Variants in MINDY4 observed in about 807,000 individuals in gnomAD.
MINDY4 encodes probable ubiquitin carboxyl-terminal hydrolase MINDY-4.
Under a neutral mutation model 87.0 loss-of-function variants are expected in MINDY4, and 68 were observed. That is an observed-to-expected ratio of 0.78 (90% CI 0.64 to 0.96). MINDY4 has a LOEUF of 0.96. Ranked by LOEUF, MINDY4 falls within the 40% of genes least tolerant of loss-of-function variation. The pLI is 0.00. For missense variants in MINDY4, 919 were observed against 928.2 expected, an observed-to-expected ratio of 0.99 and a Z score of 0.13; for synonymous variants, 379 against 363.2, an observed-to-expected ratio of 1.04 and a Z score of -0.50.
In MINDY4 at chr7:30,791,158, C is replaced by T; in HGVS notation, c.664-7C>T. 1.3e-6 allele frequency: 2 copies of T among 1,597,908 alleles called. No homozygotes were observed. The highest frequency in any genetic ancestry group is 1.7e-4 in the Middle Eastern group (1 of 5,984). ...GTCCTCACTGCTTTTGTCCTTACTC[C>T]CTTTAGGATTCTTTTCACAGACACT... On this transcript the variant is annotated splice_region_variant and splice_polypyrimidine_tract_variant and intron_variant, in intron 4 of 17. Coordinates refer to ENST00000265299, the MANE Select transcript of MINDY4 (RefSeq NM_032222.3).
chr7:30,871,452 C>T (rs932173484), intron 13 of MINDY4, among the ~76,000 whole-genome samples: 5 of 152,140 alleles, frequency 3.3e-5, no homozygotes, highest in African/African-American at 4.8e-5. Context: ...GACAGCAAGC[C>T]GGGAAGGAGG....
intron 3 of MINDY4, among the ~76,000 whole-genome samples, chr7:30,783,499 G>T (rs1355868192): frequency 6.6e-6 from 1 of 152,182 alleles, no homozygotes; most frequent in Admixed American, 6.5e-5. Flanking sequence ...GCATGAGGGA[G>T]TTATTTATAT....
intron 17 of MINDY4, among the ~76,000 whole-genome samples, chr7:30,883,948 C>G (rs1215592180): frequency 1.3e-5 from 2 of 152,182 alleles, no homozygotes; most frequent in Admixed American, 6.5e-5. Flanking sequence ...GCATACCTTT[C>G]TCACTGGACC....
In MINDY4 at chr7:30,887,424, G is replaced by A. The variant is rs188347220; in HGVS notation, c.2225+4431G>A. On this transcript the variant is annotated intron_variant, in intron 17 of 17. Transcript: ENST00000265299. ...GATCCCTCTCCTGAGCTGCTGTGAG[G>A]TTGAGAGAAGAGCTGTGGAAGCACT... Among the ~76,000 whole-genome samples the A allele has an allele frequency of 2.3e-4, 35 of 152,370 alleles. 1 individual carries two copies. The highest frequency in any genetic ancestry group is 8.4e-4 in the African/African-American group (35 of 41,586).
intron 2 of MINDY4, chr7:30,779,994 A>G (rs1786958453): frequency 1.3e-5 from 2 of 152,210 alleles, no homozygotes; most frequent in African/African-American, 2.4e-5. Flanking sequence ...ACTAAAAACA[A>G]CTGGCACCTA....
chr7:30,801,938 C>T (rs1262324731), intron 5 of MINDY4, among the ~76,000 whole-genome samples: 1 of 152,218 alleles, frequency 6.6e-6, no homozygotes, highest in Non-Finnish European at 1.5e-5. Context: ...CCTTGGACCA[C>T]ACCTGGGCCC....
At chr7:30,783,732 G>A (rs1276148467) in intron 3 of MINDY4, among the ~76,000 whole-genome samples, 1 of 152,156 alleles carries the variant, frequency 6.6e-6, no homozygotes. Flanking sequence ...ACTTTGTGAT[G>A]AAGAGTAGTT....
At chr7:30,802,833 C>A (rs1787696474) in intron 5 of MINDY4, among the ~76,000 whole-genome samples, 2 of 152,066 alleles carry the variant, frequency 1.3e-5, no homozygotes, top group African/African-American at 4.8e-5. Context: ...ACCAACCAAC[C>A]ATCCCAACCG....
Position 30,892,073 on chromosome 7 carries a change from C to T in MINDY4, c.*68C>T. ...TCATCACCGAGGATGACAGCTGAAC[C>T]CCAAGCCTCTGGGGCAGGTCTCATG... On this transcript the variant is annotated 3_prime_UTR_variant, in exon 18 of 18. Coordinates refer to ENST00000265299, the MANE Select transcript of MINDY4 (RefSeq NM_032222.3). 1.3e-6 allele frequency: 2 copies of T among 1,569,040 alleles called. No homozygotes were observed. Among genetic ancestry groups the T allele is most frequent in the South Asian group, 1.1e-5 (1 of 90,216 alleles).
At chr7:30,890,705 A>C (rs1790770970) in intron 17 of MINDY4, among the ~76,000 whole-genome samples, 1 of 152,204 alleles carries the variant, frequency 6.6e-6, no homozygotes, top group South Asian at 2.1e-4. Context: ...CAATTGAAGG[A>C]AAGCACTGAC....
chr7:30,841,954 G>A (rs985741084), intron 9 of MINDY4, among the ~76,000 whole-genome samples: 8 of 152,134 alleles, frequency 5.3e-5, no homozygotes, highest in Non-Finnish European at 1.2e-4. Context: ...CAGACAACAA[G>A]ACCCATTTCC....
chr7:30,811,661 A>C (rs2040834), intron 5 of MINDY4, among the ~76,000 whole-genome samples: 91,504 of 152,076 alleles, frequency 0.6, 29,526 homozygotes, highest in African/African-American at 0.85. Context: ...TAAAGATCGA[A>C]CCCTGACCTA....
chr7:30,871,922 G>T (rs1031365043), intron 13 of MINDY4, among the ~76,000 whole-genome samples: 5 of 152,348 alleles, frequency 3.3e-5, no homozygotes, highest in African/African-American at 1.2e-4. Flanking sequence ...CAGGACACTG[G>T]ATTCCAAACC....
intron 17 of MINDY4, among the ~76,000 whole-genome samples, chr7:30,887,211 T>C (rs1790657992): frequency 6.6e-6 from 1 of 152,076 alleles, no homozygotes; most frequent in Non-Finnish European, 1.5e-5. Flanking sequence ...CCACAGTGCC[T>C]CCCACCCATC....
chr7:30,823,814 A>G (rs543873623), intron 5 of MINDY4, among the ~76,000 whole-genome samples: 1 of 152,166 alleles, frequency 6.6e-6, no homozygotes, highest in African/African-American at 2.4e-5. Context: ...TTTTAGTAGG[A>G]CTTAAAAAAA....
intron 7 of MINDY4, among the ~76,000 whole-genome samples, chr7:30,838,063 C>T (rs1056299033): frequency 2.0e-5 from 3 of 152,112 alleles, no homozygotes; most frequent in Non-Finnish European, 2.9e-5. Context: ...CTGTAGAATC[C>T]ACCTGCTGGT....
chr7:30,839,632 G>A (rs954583569), intron 8 of MINDY4, among the ~76,000 whole-genome samples: 1 of 152,038 alleles, frequency 6.6e-6, no homozygotes, highest in South Asian at 2.1e-4. Context: ...TCTGCTTGGG[G>A]CCACTAGAGG....
chr7:30,794,884 G>A (rs1227680320), intron 5 of MINDY4, among the ~76,000 whole-genome samples: 2 of 152,114 alleles, frequency 1.3e-5, no homozygotes, highest in South Asian at 2.1e-4. Flanking sequence ...TGTTGCGGGC[G>A]GGGGCCTTTC....
At position 30,795,831 on chromosome 7, in the gene MINDY4, G is replaced by A. The variant is rs185071847; in HGVS notation, c.1073+4257G>A. ...TTCCTTCACCTTTGAAGCCAGTGAC[G>A]TTGGCTGAATCCTGCTCAGGCTGCC... On this transcript the variant is annotated intron_variant, in intron 5 of 17. Transcript: ENST00000265299. 1.2e-4 allele frequency among the ~76,000 whole-genome samples: 18 copies of A among 152,284 alleles called. No homozygotes were observed. The East Asian group carries it at 1.3e-3, about 11-fold the overall frequency.
Sources: allele counts gnomAD v4.1 joint callset (sites outside exome capture counted in the v4.1 genomes callset), GRCh38; gene constraint gnomAD v4.1.1; transcripts MANE v1.5; gene names NCBI Gene and HGNC (gene_info 2026-07-23, HGNC 2026-07-21).